PDE1C: variants seen among roughly 807,000 people sequenced by gnomAD.
The protein encoded by PDE1C is phosphodiesterase 1C, also known as dual specificity calcium/calmodulin-dependent 3',5'-cyclic nucleotide phosphodiesterase 1C.
In PDE1C, 62 loss-of-function variants were observed where a neutral mutation model predicts 93.1. That is an observed-to-expected ratio of 0.67 (90% confidence interval 0.54 to 0.82). The LOEUF (loss-of-function observed/expected upper bound fraction) is 0.82, where lower values mean the gene tolerates loss of function less well. Among genes scored for constraint, PDE1C ranks in the 40% least tolerant of loss-of-function variants. The pLI is 0.00. For synonymous variants in PDE1C, 325 were observed against 310.1 expected, an observed-to-expected ratio of 1.05 and a Z score of -0.50; for missense variants, 742 against 884.6, an observed-to-expected ratio of 0.84 and a Z score of 2.04.
chr7:31,704,351 T>C, the PDE1C span, among the ~76,000 whole-genome samples: 55 of 152,202 alleles, frequency 3.6e-4, no homozygotes, highest in African/African-American at 1.3e-3. Context: ...GGTGGGATTG[T>C]GCTGTAAAAC....
chr7:32,190,124 C>T (rs1294302144), intron 2 of PDE1C, among the ~76,000 whole-genome samples: 1 of 152,202 alleles, frequency 6.6e-6, no homozygotes, highest in Non-Finnish European at 1.5e-5. Context: ...GGGAACCTAG[C>T]TTCATAAAAT....
At chr7:31,802,348 C>T (rs919660338) in intron 16 of PDE1C, among the ~76,000 whole-genome samples, 2 of 151,514 alleles carry the variant, frequency 1.3e-5, no homozygotes, top group Non-Finnish European at 3.0e-5. Context: ...ATAGATATCC[C>T]ATTTCTCCCC....
chr7:32,194,719 C>T (rs1480334502), intron 2 of PDE1C, among the ~76,000 whole-genome samples: 3 of 152,204 alleles, frequency 2.0e-5, no homozygotes, highest in Non-Finnish European at 4.4e-5. Context: ...TTTTAACCCA[C>T]TCTGCCAATC....
At chr7:32,030,078 A>AACACACACACACACACACACACAC (rs376919544) in intron 2 of PDE1C, among the ~76,000 whole-genome samples, 1 of 134,004 alleles carries the variant, frequency 7.5e-6, no homozygotes, top group African/African-American at 2.8e-5. Flanking sequence ...TGCATATTAT[A>AACACACACACACACACACACACAC]ACACACACAC....
intron 1 of PDE1C, among the ~76,000 whole-genome samples, chr7:32,394,413 G>A (rs1784804978): frequency 6.6e-6 from 1 of 152,220 alleles, no homozygotes; most frequent in African/African-American, 2.4e-5. Flanking sequence ...CCTACTAGAA[G>A]GTGTTTGGGT....
chr7:31,693,511 T>C, the PDE1C span, among the ~76,000 whole-genome samples: 3 of 152,178 alleles, frequency 2.0e-5, no homozygotes, highest in Non-Finnish European at 4.4e-5. Flanking sequence ...ACCCCTCAGC[T>C]TTTTACCTGG....
chr7:32,298,823 C>G (rs1812794487), exon 1 of PDE1C: 9 of 1,475,044 alleles, frequency 6.1e-6, no homozygotes, highest in Non-Finnish European at 8.0e-6. Context: ...CGGGGCTCGG[C>G]GGCGAATCCT....
At chr7:31,766,688 G>A (rs999650968) in intron 17 of PDE1C, among the ~76,000 whole-genome samples, 1 of 152,126 alleles carries the variant, frequency 6.6e-6, no homozygotes, top group Non-Finnish European at 1.5e-5. Context: ...ATTTCTGCAT[G>A]TTTTGAAACA....
At chr7:31,753,702 G>A (rs994908889) in intron 17 of PDE1C, 149 bp from the exon 18 acceptor site, 2 of 1,179,142 alleles carry the variant, frequency 1.7e-6, no homozygotes, top group Non-Finnish European at 2.3e-6. Flanking sequence ...AAACCTTATG[G>A]CAGATAGATG....
At chr7:32,187,882 T>C (rs1803985591) in intron 2 of PDE1C, among the ~76,000 whole-genome samples, 1 of 152,218 alleles carries the variant, frequency 6.6e-6, no homozygotes. Flanking sequence ...ACGTCTCAGT[T>C]AGGACTAGCC....
At chr7:31,829,838 G>A (rs1790153787) in intron 11 of PDE1C, among the ~76,000 whole-genome samples, 1 of 152,210 alleles carries the variant, frequency 6.6e-6, no homozygotes, top group South Asian at 2.1e-4. Context: ...AGAAAAGGAA[G>A]TGCATTTATA....
chr7:32,410,534 T>C (rs1230382413), intron 1 of PDE1C, among the ~76,000 whole-genome samples: 1 of 152,038 alleles, frequency 6.6e-6, no homozygotes, highest in Non-Finnish European at 1.5e-5. Flanking sequence ...AACAGACAGG[T>C]GGTCTGTGCT....
At chr7:32,100,352 T>C (rs1234474161) in intron 3 of PDE1C, among the ~76,000 whole-genome samples, 1 of 152,232 alleles carries the variant, frequency 6.6e-6, no homozygotes, top group African/African-American at 2.4e-5. Flanking sequence ...CCATTAGTCA[T>C]CCAGTGCCAT....
intron 5 of PDE1C, among the ~76,000 whole-genome samples, chr7:31,877,562 G>T (rs542887595): frequency 6.6e-6 from 1 of 151,054 alleles, no homozygotes; most frequent in Admixed American, 6.6e-5. Context: ...GCTGAGTCTC[G>T]GTTTCTTCAT....
At chr7:32,287,558 C>T (rs1812073089) in intron 1 of PDE1C, among the ~76,000 whole-genome samples, 2 of 152,264 alleles carry the variant, frequency 1.3e-5, no homozygotes, top group African/African-American at 2.4e-5. Context: ...GGCTTGTTTG[C>T]TCACATAGTA....
At chr7:31,886,203 A>G (rs729916) in intron 2 of PDE1C, among the ~76,000 whole-genome samples, 31,369 of 152,138 alleles carry the variant, frequency 0.21, 4,714 homozygotes, top group African/African-American at 0.41. Flanking sequence ...GTATTCGAAC[A>G]GCATACTCAT....
chr7:31,757,715 C>A (rs868317916), intron 17 of PDE1C, among the ~76,000 whole-genome samples: 1 of 152,172 alleles, frequency 6.6e-6, no homozygotes, highest in Non-Finnish European at 1.5e-5. Flanking sequence ...TAAACTAGTT[C>A]AACCATTGTG....
chr7:32,006,317 G>A (rs1442367143), intron 2 of PDE1C, among the ~76,000 whole-genome samples: 2 of 151,984 alleles, frequency 1.3e-5, no homozygotes, highest in Admixed American at 1.3e-4. Flanking sequence ...ATGTTCTCTG[G>A]CATTGGCTGA....
At chr7:32,177,473 G>C (rs1562550905) in intron 2 of PDE1C, among the ~76,000 whole-genome samples, 1 of 152,082 alleles carries the variant, frequency 6.6e-6, no homozygotes. Context: ...CCTTGCCCCT[G>C]CACCTCCTCA....
Sources: gnomAD v4.1 joint callset for allele counts (sites outside exome capture counted in the v4.1 genomes callset) on GRCh38, gnomAD v4.1.1 for gene constraint, MANE v1.5 for transcripts, NCBI Gene and HGNC (gene_info 2026-07-23, HGNC 2026-07-21) for gene names.